Variants in MYO9A observed in about 807,000 individuals in gnomAD.
MYO9A encodes unconventional myosin-IXa.
Under a neutral mutation model 293.3 loss-of-function variants are expected in MYO9A, and 103 were observed. The ratio of observed to expected loss-of-function variants is 0.35; its 90% CI spans 0.30 to 0.41. The LOEUF (loss-of-function observed/expected upper bound fraction) is 0.41. MYO9A is among the 10% of genes least tolerant of loss of function. MYO9A has a pLI of 1.00. For synonymous variants in MYO9A, 1,001 were observed against 1,035.7 expected, an observed-to-expected ratio of 0.97 and a Z score of 0.64; for missense variants, 2,685 against 3,033.0, an observed-to-expected ratio of 0.89 and a Z score of 2.69.
At chr15:72,054,948 G>T (rs2078678929) in intron 1 of MYO9A, among the ~76,000 whole-genome samples, 1 of 151,688 alleles carries the variant, frequency 6.6e-6, no homozygotes, top group African/African-American at 2.4e-5. Flanking sequence ...AAAAAGATGG[G>T]CAGAGAAACA....
At chr15:72,060,053 G>T (rs2078835790) in intron 1 of MYO9A, among the ~76,000 whole-genome samples, 1 of 152,130 alleles carries the variant, frequency 6.6e-6, no homozygotes, top group African/African-American at 2.4e-5. Flanking sequence ...AATTACAAAA[G>T]TCCAGCCATT....
At chr15:71,865,955 CA>C (rs1312375322) in intron 32 of MYO9A, among the ~76,000 whole-genome samples, 1 of 152,124 alleles carries the variant, frequency 6.6e-6, no homozygotes, top group Admixed American at 6.6e-5. Flanking sequence ...GATGTGAATT[CA>C]AGAATCAAAA....
chr15:71,858,080 T>G (rs1271465026), intron 34 of MYO9A, among the ~76,000 whole-genome samples: 2 of 152,310 alleles, frequency 1.3e-5, no homozygotes, highest in African/African-American at 4.8e-5. Context: ...CCAGCTGGAA[T>G]GGCGATCATT....
intron 21 of MYO9A, among the ~76,000 whole-genome samples, chr15:71,903,693 T>G (rs1292637427): frequency 6.6e-6 from 1 of 152,224 alleles, no homozygotes; most frequent in Non-Finnish European, 1.5e-5. Context: ...TTAGCAAACA[T>G]TCCGAGCAAA....
At chr15:71,993,627 TAC>T (rs1161798307) in intron 10 of MYO9A, 1 of 152,264 alleles carries the variant, frequency 6.6e-6, no homozygotes, top group East Asian at 1.9e-4. Flanking sequence ...GCTGGAAATG[TAC>T]AGTCTTTTTT....
intron 39 of MYO9A, among the ~76,000 whole-genome samples, chr15:71,842,675 C>T (rs550546183): frequency 2.0e-4 from 30 of 151,844 alleles, no homozygotes; most frequent in South Asian, 1.0e-3. Context: ...CTGGCTAACA[C>T]GGTGAAACCC....
intron 1 of MYO9A, among the ~76,000 whole-genome samples, chr15:72,066,401 G>A (rs1453006288): frequency 1.3e-5 from 2 of 151,288 alleles, no homozygotes; most frequent in African/African-American, 4.9e-5. Context: ...CAGGGGAATC[G>A]CTTGAACCCG....
intron 2 of MYO9A, among the ~76,000 whole-genome samples, 171 bp from the exon 3 acceptor site, chr15:72,032,759 T>A (rs35836103): frequency 0.016 from 2,433 of 151,082 alleles, 38 homozygotes; most frequent in East Asian, 0.077. Context: ...AAAATTTTTT[T>A]AAAAAAAAAG....
intron 18 of MYO9A, among the ~76,000 whole-genome samples, chr15:71,925,223 A>ATGTG (rs2058267697): frequency 6.8e-6 from 1 of 146,636 alleles, no homozygotes; most frequent in African/African-American, 2.5e-5. Context: ...GTATATATAC[A>ATGTG]CATATATACA....
chr15:72,050,710 T>C (rs1596471066), intron 1 of MYO9A, among the ~76,000 whole-genome samples: 1 of 152,218 alleles, frequency 6.6e-6, no homozygotes, highest in East Asian at 1.9e-4. Context: ...ATGCAGGTAA[T>C]TCTGTTATTG....
In MYO9A at chr15:71,827,143, G is replaced by A. The variant is rs1158891533; in HGVS notation, c.7184-100C>T. 3 of 937,602 alleles carry A rather than the reference G, an allele frequency of 3.2e-6. No homozygotes were observed. In the East Asian group the frequency reaches 7.6e-5, roughly 24 times the overall value. 58.1% of individuals were successfully genotyped at this position (937,602 alleles called of 1,614,324 possible). ...CACTGTTCACACATGAAATTGGGTG[G>A]GATAAGATTCAGAGGGTCCAGGATG... On this transcript the variant is annotated intron_variant, in intron 41 of 41. Transcript: ENST00000356056.
At chr15:71,880,672 T>C in intron 28 of MYO9A, 114 bp from the exon 29 acceptor site, 1 of 860,528 alleles carries the variant, frequency 1.2e-6, no homozygotes. Context: ...CATGCAAATA[T>C]ATGAATAGCA....
chr15:72,069,010 G>A (rs909862089), intron 1 of MYO9A, among the ~76,000 whole-genome samples: 16 of 152,182 alleles, frequency 1.1e-4, no homozygotes, highest in African/African-American at 3.9e-4. Flanking sequence ...CCAGTACATG[G>A]CAGAGCTAGG....
chr15:72,013,046 A>G (rs1425651903), intron 6 of MYO9A, among the ~76,000 whole-genome samples: 1 of 152,252 alleles, frequency 6.6e-6, no homozygotes, highest in Non-Finnish European at 1.5e-5. Flanking sequence ...TAAATCTCCC[A>G]GAACAGAAAT....
intron 1 of MYO9A, among the ~76,000 whole-genome samples, chr15:72,071,795 C>A (rs1186190959): frequency 6.6e-6 from 1 of 151,378 alleles, no homozygotes; most frequent in African/African-American, 2.4e-5. Context: ...GTTAGTTTAA[C>A]CCCTATGGTA....
intron 10 of MYO9A, among the ~76,000 whole-genome samples, chr15:71,991,637 G>A (rs775456824): frequency 6.6e-6 from 1 of 152,180 alleles, no homozygotes; most frequent in African/African-American, 2.4e-5. Context: ...AGAGGACAAT[G>A]CAATTTTTCC....
intron 39 of MYO9A, among the ~76,000 whole-genome samples, chr15:71,844,453 C>G (rs1022036011): frequency 6.6e-6 from 1 of 152,194 alleles, no homozygotes; most frequent in South Asian, 2.1e-4. Flanking sequence ...CCATTACAGG[C>G]TTCTCAGACT....
intron 2 of MYO9A, among the ~76,000 whole-genome samples, chr15:72,032,846 GTTATTTAT>G (rs576506684): frequency 6.6e-6 from 1 of 151,804 alleles, no homozygotes; most frequent in Non-Finnish European, 1.5e-5. Flanking sequence ...TTTATTTTAT[GTTATTTAT>G]TTATTTATTT....
chr15:71,859,396 CT>C (rs1567204349), intron 34 of MYO9A, among the ~76,000 whole-genome samples: 1 of 152,118 alleles, frequency 6.6e-6, no homozygotes, highest in Non-Finnish European at 1.5e-5. Flanking sequence ...TTAATTGTAG[CT>C]TACTGCATTA....
Sources: gnomAD v4.1 joint callset for allele counts (sites outside exome capture counted in the v4.1 genomes callset) on GRCh38, gnomAD v4.1.1 for gene constraint, MANE v1.5 for transcripts, NCBI Gene and HGNC (gene_info 2026-07-23, HGNC 2026-07-21) for gene names.